Variants in GTF3C1 observed in about 807,000 individuals in gnomAD.
GTF3C1 encodes the protein general transcription factor IIIC subunit 1, also known as general transcription factor 3C polypeptide 1.
In GTF3C1, 57 loss-of-function variants were observed where a neutral mutation model predicts 226.7. The observed-to-expected ratio is 0.25, with a 90% CI of 0.20 to 0.31. GTF3C1 has a LOEUF of 0.31. Among genes scored for constraint, GTF3C1 ranks in the 10% least tolerant of loss-of-function variants. The pLI, the probability that GTF3C1 is intolerant of heterozygous loss-of-function variation, is 1.00. For missense variants in GTF3C1, 2,217 were observed against 2,776.1 expected (o/e 0.80, Z 4.53); for synonymous variants, 1,090 against 1,084.8 (o/e 1.00, Z -0.09).
At position 27,469,129 on chromosome 16, in the gene GTF3C1, T is replaced by A. The variant is rs2087826639; in HGVS notation, c.5074+162A>T. 6.6e-6 allele frequency among the ~76,000 whole-genome samples: 1 copy of A among 152,190 alleles called. No homozygotes were observed. The highest frequency in any genetic ancestry group is 1.5e-5 in the Non-Finnish European group (1 of 68,014). On this transcript the variant is annotated intron_variant, in intron 32 of 36. Coordinates refer to ENST00000356183, the MANE Select transcript of GTF3C1 (RefSeq NM_001520.4). This position sits in a 1 kb window ranked among gnomAD's most constrained non-coding sequence, Gnocchi z 4.5. ...ACAGCACAGGCACCTGGGGAAGGCA[T>A]CCCTTGAGTTGGCTGCAAGGATGGG...
At chr16:27,527,326 C>A (rs965156554) in intron 6 of GTF3C1, among the ~76,000 whole-genome samples, 6 of 152,190 alleles carry the variant, frequency 3.9e-5, no homozygotes, top group Non-Finnish European at 8.8e-5. Context: ...GGATTACAGG[C>A]GTGTGCCACC....
chr16:27,528,563 C>T (rs762099073), intron 6 of GTF3C1, 35 bp downstream of exon 6: 1 of 1,571,258 alleles, frequency 6.4e-7, no homozygotes, highest in Non-Finnish European at 8.7e-7. Context: ...GAGAGCCAGC[C>T]AGCCAAGGGA....
rs758716295 is a variant in GTF3C1 at position 27,528,692 on chromosome 16, C to T, written c.879G>A (p.Leu293=). 4.3e-6 allele frequency: 7 copies of T among 1,613,450 alleles called. No homozygotes were observed. The highest frequency in any genetic ancestry group is 1.3e-5 in the African/African-American group (1 of 74,902). ...GCCCGGCGTTCAGCATATACTGGTA[C>T]AGACGCTTAAACGTCCTTTCGCACA... ...LGLCERTFKR[L]YQYMLNAGLA... The change falls in exon 6 of 37, where the codon CTG becomes CTA. Residue 293 remains leucine (L), a synonymous_variant. Coordinates refer to ENST00000356183, the MANE Select transcript of GTF3C1 (RefSeq NM_001520.4).
At position 27,511,918 on chromosome 16, in the gene GTF3C1, G is replaced by C; in HGVS notation, c.974-17C>G. ...CGTCGGTCCCTGGCAACACAAGCACGGGTTTGCCAGCAATGAGTGAAAGCA... is the reference window on the plus strand; with the variant it reads ...CGTCGGTCCCTGGCAACACAAGCACCGGTTTGCCAGCAATGAGTGAAAGCA... On this transcript the variant is annotated splice_polypyrimidine_tract_variant and intron_variant, in intron 6 of 36. Coordinates refer to ENST00000356183, the MANE Select transcript of GTF3C1 (RefSeq NM_001520.4). 6.2e-7 allele frequency: 1 copy of C among 1,613,208 alleles called. No individual in the cohort carries two copies. Among genetic ancestry groups the C allele is most frequent in the African/African-American group, 1.3e-5 (1 of 75,016 alleles).
intron 29 of GTF3C1, 150 bp from the exon 30 acceptor site, chr16:27,472,070 G>A: frequency 1.6e-6 from 1 of 644,986 alleles, no homozygotes; most frequent in South Asian, 1.9e-5. Flanking sequence ...GTGTCAGTGA[G>A]TGTGTGTGTG....
rs1344245437 is a variant in GTF3C1, at chr16:27,497,881, CAG to C, written c.2166-62_2166-61del. ...GAAAATCAAGGGCTAAGAGAAAGGACAGAGTCTGTCTGCATGAATCAGATACA... is the reference window on the plus strand; with the variant it reads ...GAAAATCAAGGGCTAAGAGAAAGGACAGTCTGTCTGCATGAATCAGATACA... On this transcript the variant is annotated intron_variant, in intron 13 of 36. Coordinates refer to ENST00000356183, the MANE Select transcript of GTF3C1 (RefSeq NM_001520.4). 1.2e-5 allele frequency: 16 copies of C among 1,379,624 alleles called. No individual in the cohort carries two copies. In the East Asian group the frequency reaches 3.2e-4, roughly 28 times the overall value. The allele number at this position is 1,379,624 out of a possible 1,614,324, so 85.5% of individuals were successfully genotyped here.
At chr16:27,489,209 CCTT>C (rs2088193245) in intron 20 of GTF3C1, 31 bp from the exon 21 acceptor site, 1 of 1,610,200 alleles carries the variant, frequency 6.2e-7, no homozygotes, top group South Asian at 1.1e-5. Flanking sequence ...AGAAAAGAGC[CCTT>C]CTTGGTCATC....
rs1567402764 is a variant in GTF3C1, at chr16:27,507,051, T to C, written c.1348A>G (p.Ser450Gly). 6.2e-7 allele frequency: 1 copy of C among 1,613,890 alleles called. No homozygotes were observed. The highest frequency in any genetic ancestry group is 2.2e-5 in the East Asian group (1 of 44,882). ...AGGCTCACGGTGGTCAAGAGCTCGC[T>C]GCGGGCCTTCTCTCTTTGGTACTGC... ...SRQYQREKARSELLTTVSLAS... is the reference protein window; with the variant it reads ...SRQYQREKARGELLTTVSLAS... The change falls in exon 9 of 37, where the codon AGC becomes GGC. Residue 450 changes from serine (S) to glycine (G), a missense_variant. Physicochemically the swap from Ser to Gly is moderately conservative, Grantham distance 56. This residue lies in a region of GTF3C1 where 173 missense variants were observed against 207.2 expected (regional missense o/e 0.83). Coordinates refer to ENST00000356183, the MANE Select transcript of GTF3C1 (RefSeq NM_001520.4). The surrounding 1 kb of genome is among the most constrained non-coding windows in gnomAD (Gnocchi z 4.9).
intron 1 of GTF3C1, among the ~76,000 whole-genome samples, chr16:27,545,797 C>T (rs1407248689): frequency 6.6e-6 from 1 of 152,156 alleles, no homozygotes; most frequent in Non-Finnish European, 1.5e-5. Flanking sequence ...TGTTTCCCTC[C>T]AAATCTGGTA....
intron 26 of GTF3C1, 137 bp from the exon 27 acceptor site, chr16:27,481,328 G>C: frequency 1.4e-6 from 1 of 691,914 alleles, no homozygotes. Context: ...TGCCTCCCCT[G>C]GTCACCTGTC....
chr16:27,484,295 T>C lies in GTF3C1; in HGVS notation c.3917A>G (p.Glu1306Gly). 6.2e-7 allele frequency: 1 copy of C among 1,608,340 alleles called. No homozygotes were observed. Among genetic ancestry groups the C allele is most frequent in the Non-Finnish European group, 8.5e-7 (1 of 1,174,770 alleles). Residue 1306 changes from glutamate to glycine, a missense_variant, in exon 25 of 37, where the codon GAA becomes GGA. Coordinates refer to ENST00000356183, the MANE Select transcript of GTF3C1 (RefSeq NM_001520.4). ...VVRDILHATF[E>G]ESLDKTSHSV... ...ATGAGATGTTTTATCCAAAGACTCT[T>C]CAAACGTGGCATGCAAAATGTCCCG...
chr16:27,506,105 C>G lies in GTF3C1; in HGVS notation c.1564G>C (p.Val522Leu), dbSNP rs1204459200. 6.2e-7 allele frequency: 1 copy of G among 1,605,270 alleles called. No individual in the cohort carries two copies. Among genetic ancestry groups the G allele is most frequent in the Non-Finnish European group, 8.5e-7 (1 of 1,172,132 alleles). The change falls in exon 10 of 37, where the codon GTT becomes CTT. Residue 522 changes from valine to leucine, a missense_variant. Around this residue, in one of 12 missense-constraint regions of GTF3C1, gnomAD observed 173 missense variants for 207.2 expected, o/e 0.83. Transcript: ENST00000356183. ...TTTTTCAATGGGTGTAGGTTTACAA[C>G]TTTCCACCCACCTGTGGTGGAGGGA... ...HSTPTKGGWKVVNLHPLKKQP... is the reference protein window; with the variant it reads ...HSTPTKGGWKLVNLHPLKKQP...
chr16:27,525,181 G>GAAAGAAAAGA (rs1305530002), intron 6 of GTF3C1, among the ~76,000 whole-genome samples: 20 of 114,536 alleles, frequency 1.7e-4, no homozygotes, highest in Non-Finnish European at 3.1e-4. Context: ...AGAAAAGAAA[G>GAAAGAAAAGA]AAATAAAAGA....
rs1158732929 is a variant in GTF3C1, at chr16:27,486,171, G to T, written c.3701-17C>A. On this transcript the variant is annotated splice_polypyrimidine_tract_variant and intron_variant, in intron 23 of 36. Transcript: ENST00000356183. ...GGAACTCTCCTAAAAACACCAGAGG[G>T]AGAAGGCAGGAGACCTCTAACACCT... 2.0e-6 allele frequency: 3 copies of T among 1,523,512 alleles called. No individual in the cohort carries two copies. Among genetic ancestry groups the T allele is most frequent in the Non-Finnish European group, 2.7e-6 (3 of 1,105,572 alleles). 94.4% of individuals were successfully genotyped at this position (1,523,512 alleles called of 1,614,324 possible). A position where few individuals can be genotyped will look rare whatever the true frequency, so the allele number is the denominator to read the frequency against.
chr16:27,464,953 A>G, intron 33 of GTF3C1, 117 bp from the exon 34 acceptor site: 1 of 842,716 alleles, frequency 1.2e-6, no homozygotes, highest in South Asian at 1.8e-5. Context: ...TGAGCAGCCC[A>G]GGCCCACGAG....
At chr16:27,479,837 C>T (rs541773095) in intron 27 of GTF3C1, among the ~76,000 whole-genome samples, 1 of 152,154 alleles carries the variant, frequency 6.6e-6, no homozygotes, top group Non-Finnish European at 1.5e-5. Flanking sequence ...TAAACTGTTA[C>T]ACTTGCAACT....
chr16:27,470,394 T>C lies in GTF3C1; in HGVS notation c.4528A>G (p.Ile1510Val). The change falls in exon 31 of 37, where the codon ATT becomes GTT. Residue 1510 changes from isoleucine (I) to valine (V), a missense_variant and splice_region_variant. This residue lies in a region of GTF3C1 where 546 missense variants were observed against 663.0 expected (regional missense o/e 0.82). Coordinates refer to ENST00000356183, the MANE Select transcript of GTF3C1 (RefSeq NM_001520.4). This position sits in a 1 kb window ranked among gnomAD's most constrained non-coding sequence, Gnocchi z 4.9. ...GTGCTTGGAAATCGCCACGTAAAAA[T>C]CCTACAGACAAAAAGAAAGGAAGGG... is the stretch of plus-strand genomic sequence containing the variant. Reference protein sequence around the residue: ...SYQLSQTYYRIFTWRFPSTIC... With the variant: ...SYQLSQTYYRVFTWRFPSTIC... The C allele has an allele frequency of 6.2e-7, 1 of 1,611,950 alleles. No individual in the cohort carries two copies. Among genetic ancestry groups the C allele is most frequent in the East Asian group, 2.2e-5 (1 of 44,862 alleles).
At chr16:27,485,856 G>A in intron 24 of GTF3C1, 141 bp downstream of exon 24, 1 of 563,206 alleles carries the variant, frequency 1.8e-6, no homozygotes, top group Non-Finnish European at 3.1e-6. Flanking sequence ...AAAATGTGTA[G>A]GATTCTGGGC....
chr16:27,512,298 T>C (rs1390613376), intron 6 of GTF3C1, among the ~76,000 whole-genome samples: 1 of 152,136 alleles, frequency 6.6e-6, no homozygotes, highest in Admixed American at 6.5e-5. Flanking sequence ...ACGCGAGCAG[T>C]ATTTGCCAAA....
Sources: allele counts gnomAD v4.1 joint callset (sites outside exome capture counted in the v4.1 genomes callset), GRCh38; gene constraint gnomAD v4.1.1; regional missense constraint gnomAD v4.1.1; non-coding constraint Gnocchi (gnomAD v3.1); transcripts MANE v1.5; gene names NCBI Gene and HGNC (gene_info 2026-07-23, HGNC 2026-07-21).